The following ELF2 variants were observed in gnomAD, a reference collection of about 807,000 sequenced individuals.
ELF2 encodes the protein ETS-related transcription factor Elf-2.
A neutral mutation model predicts 54.8 loss-of-function variants in ELF2; 11 were observed. That is an observed-to-expected ratio of 0.20 (90% CI 0.13 to 0.33). ELF2 has a LOEUF of 0.33. ELF2 is among the 10% of genes least tolerant of loss of function. ELF2 has a pLI of 1.00. For synonymous variants in ELF2, 203 were observed against 245.1 expected, an observed-to-expected ratio of 0.83 and a Z score of 1.61; for missense variants, 513 against 703.0, an observed-to-expected ratio of 0.73 and a Z score of 3.06.
At chr4:139,082,787 G>C (rs915358757) in intron 4 of ELF2, among the ~76,000 whole-genome samples, 1 of 152,192 alleles carries the variant, frequency 6.6e-6, no homozygotes, top group Non-Finnish European at 1.5e-5. Flanking sequence ...AATAGGAACC[G>C]GGAAGAGGAA....
intron 4 of ELF2, among the ~76,000 whole-genome samples, chr4:139,096,690 G>A (rs564507041): frequency 1.3e-5 from 2 of 148,188 alleles, no homozygotes; most frequent in South Asian, 2.1e-4. Flanking sequence ...GGCTGGTCTC[G>A]AACTCCTGGA....
At chr4:139,090,705 G>A (rs938646801) in intron 4 of ELF2, among the ~76,000 whole-genome samples, 4 of 151,850 alleles carry the variant, frequency 2.6e-5, no homozygotes, top group South Asian at 2.1e-4. Context: ...AACGATTCTC[G>A]TGCCTCTGCC....
chr4:139,076,006 G>A (rs983667569), intron 4 of ELF2, among the ~76,000 whole-genome samples: 7 of 151,988 alleles, frequency 4.6e-5, no homozygotes, highest in Admixed American at 2.6e-4. Context: ...ATACACTAAC[G>A]ATATGAATCT....
chr4:139,134,368 G>A (rs1737876756), intron 3 of ELF2, among the ~76,000 whole-genome samples: 1 of 151,302 alleles, frequency 6.6e-6, no homozygotes. Context: ...TTGCTTTTTT[G>A]TGTTTTCATT....
intron 1 of ELF2, among the ~76,000 whole-genome samples, chr4:139,176,647 C>T (rs1328029150): frequency 2.0e-5 from 3 of 152,174 alleles, no homozygotes; most frequent in Admixed American, 2.0e-4. Flanking sequence ...CTCGGCCCAT[C>T]CCCCCCGCCG....
intron 4 of ELF2, among the ~76,000 whole-genome samples, chr4:139,093,330 C>T (rs986525824): frequency 3.3e-5 from 5 of 152,156 alleles, no homozygotes; most frequent in African/African-American, 9.7e-5. Flanking sequence ...AACAAACAAA[C>T]CAACAAAAAC....
chr4:139,122,211 G>A, intron 4 of ELF2, among the ~76,000 whole-genome samples: 1 of 152,172 alleles, frequency 6.6e-6, no homozygotes, highest in East Asian at 1.9e-4. Context: ...GACATACACA[G>A]GGAAGTATTC....
At chr4:139,087,849 C>CA (rs1732153957) in intron 4 of ELF2, among the ~76,000 whole-genome samples, 1 of 152,140 alleles carries the variant, frequency 6.6e-6, no homozygotes, top group Non-Finnish European at 1.5e-5. Flanking sequence ...GTTTAAACGA[C>CA]ATTTATGACA....
At chr4:139,122,124 C>T (rs1397932589) in intron 4 of ELF2, among the ~76,000 whole-genome samples, 1 of 152,140 alleles carries the variant, frequency 6.6e-6, no homozygotes, top group Non-Finnish European at 1.5e-5. Context: ...ACTGTCAGAA[C>T]AAGCCAATAA....
chr4:139,095,794 C>T (rs558723456), intron 4 of ELF2, among the ~76,000 whole-genome samples: 1 of 152,206 alleles, frequency 6.6e-6, no homozygotes, highest in East Asian at 1.9e-4. Flanking sequence ...CCTGTAATCC[C>T]AGCACTTTGG....
chr4:139,073,449 C>A lies in ELF2; in HGVS notation c.352+5G>T. The A allele has an allele frequency of 6.3e-7, 1 of 1,587,734 alleles. No homozygotes were observed. The highest frequency in any genetic ancestry group is 1.2e-5 in the South Asian group (1 of 86,808). On this transcript the variant is annotated splice_donor_5th_base_variant and intron_variant, in intron 5 of 9. Transcript: ENST00000686138. Reference sequence around the variant, plus strand: ...GTTTAACATAAGAATGAACAGTTTACATACCAGGACTTCTTGAATCCCTCA... The same window carrying A: ...GTTTAACATAAGAATGAACAGTTTAAATACCAGGACTTCTTGAATCCCTCA...
At chr4:139,127,206 T>C (rs1411193912) in intron 3 of ELF2, among the ~76,000 whole-genome samples, 1 of 152,196 alleles carries the variant, frequency 6.6e-6, no homozygotes, top group Admixed American at 6.5e-5. Flanking sequence ...ATCTACTATG[T>C]GTTGGAGGAA....
At chr4:139,109,087 GCAT>G (rs1734707293) in intron 4 of ELF2, among the ~76,000 whole-genome samples, 1 of 152,044 alleles carries the variant, frequency 6.6e-6, no homozygotes, top group Non-Finnish European at 1.5e-5. Context: ...TAGTAAACAA[GCAT>G]CATTGCCACA....
intron 4 of ELF2, chr4:139,084,467 G>A (rs1473924077): frequency 2.7e-6 from 3 of 1,106,572 alleles, no homozygotes; most frequent in Non-Finnish European, 3.3e-6. Flanking sequence ...GGCGGCTGTG[G>A]CTGTGGCGGC....
At chr4:139,097,294 G>A (rs897964316) in intron 4 of ELF2, among the ~76,000 whole-genome samples, 29 of 152,008 alleles carry the variant, frequency 1.9e-4, no homozygotes, top group Non-Finnish European at 7.4e-5. Context: ...CTCCCAAGTG[G>A]GATTACAGGT....
At chr4:139,169,726 G>C (rs917577532) in intron 1 of ELF2, among the ~76,000 whole-genome samples, 6 of 151,848 alleles carry the variant, frequency 4.0e-5, no homozygotes, top group African/African-American at 1.5e-4. Flanking sequence ...GCATGGTGGC[G>C]GGCGCCTATA....
chr4:139,123,611 C>T (rs1237723259), intron 4 of ELF2, among the ~76,000 whole-genome samples: 2 of 152,180 alleles, frequency 1.3e-5, no homozygotes, highest in East Asian at 3.8e-4. Context: ...GATAAACATC[C>T]TAATTTACTA....
chr4:139,084,338 C>T, intron 4 of ELF2: 1 of 1,533,368 alleles, frequency 6.5e-7, no homozygotes, highest in South Asian at 1.2e-5. Flanking sequence ...CGCCCGGATC[C>T]TTGCGCGTCC....
At chr4:139,097,976 C>T (rs375950342) in intron 4 of ELF2, among the ~76,000 whole-genome samples, 9 of 152,078 alleles carry the variant, frequency 5.9e-5, no homozygotes, top group African/African-American at 2.2e-4. Context: ...CTAGGATTAC[C>T]GGCATGAGCT....
Sources: allele counts gnomAD v4.1 joint callset (sites outside exome capture counted in the v4.1 genomes callset), GRCh38; gene constraint gnomAD v4.1.1; transcripts MANE v1.5; gene names NCBI Gene and HGNC (gene_info 2026-07-23, HGNC 2026-07-21).